Variants in LRP12 observed in about 807,000 individuals in gnomAD.
The protein encoded by LRP12 is low-density lipoprotein receptor-related protein 12.
A neutral mutation model predicts 66.0 loss-of-function variants in LRP12; 14 were observed. The ratio of observed to expected loss-of-function variants is 0.21; its 90% CI spans 0.14 to 0.33. LRP12 has a LOEUF of 0.33. Ranked by LOEUF, LRP12 falls within the 10% of genes least tolerant of loss-of-function variation. The pLI, the probability that LRP12 is intolerant of heterozygous loss-of-function variation, is 1.00. For missense variants in LRP12, 889 were observed against 1,053.4 expected, an observed-to-expected ratio of 0.84 and a Z score of 2.16; for synonymous variants, 357 against 359.1, an observed-to-expected ratio of 0.99 and a Z score of 0.07.
chr8:104,557,734 TACC>T (rs1445528341), intron 1 of LRP12, among the ~76,000 whole-genome samples: 1 of 151,998 alleles, frequency 6.6e-6, no homozygotes, highest in African/African-American at 2.4e-5. Context: ...CCCATCAAAA[TACC>T]ACCATCATTT....
rs1588479903 is a variant in LRP12 at position 104,491,443 on chromosome 8, T to C, written c.1810A>G (p.Asn604Asp). Residue 604 changes from asparagine to aspartate, a missense_variant, in exon 7 of 7, where the codon AAC becomes GAC. Asn to Asp is a conservative substitution (Grantham distance 23). This residue lies in a region of LRP12 where 800 missense variants were observed against 964.5 expected (regional missense o/e 0.83). Transcript: ENST00000276654. ...GATCTTGCAAAATTAAAAATACGGT[T>C]CCAAATGTTGCTTGATCTGCCTGCC... ...PMAGRSSNIW[N>D]RIFNFARSRH... The C allele has an allele frequency of 6.2e-7, 1 of 1,613,954 alleles. No homozygotes were observed. Among genetic ancestry groups the C allele is most frequent in the Non-Finnish European group, 8.5e-7 (1 of 1,180,004 alleles).
Position 104,491,202 on chromosome 8 carries a change from G to A in LRP12, c.2051C>T (p.Ala684Val), listed in dbSNP as rs935238349. 30 of 1,613,932 alleles carry A rather than the reference G, an allele frequency of 1.9e-5. No homozygotes were observed. Among genetic ancestry groups the A allele is most frequent in the Non-Finnish European group, 2.5e-5 (30 of 1,180,012 alleles). Residue 684 changes from alanine (A) to valine (V), a missense_variant, in exon 7 of 7, where the codon GCA becomes GTA. Ala to Val is a moderately conservative substitution (Grantham distance 64, BLOSUM62 0). Coordinates refer to ENST00000276654, the MANE Select transcript of LRP12 (RefSeq NM_013437.5). ...ACATGCTCCTACTGTCGCTTCTACT[G>A]CCGTTGTGGGAGGGACTTTTTGAGG... ...PLPQKVPPTT[A>V]VEATVGACAS...
At chr8:104,566,176 C>T in intron 1 of LRP12, 1 of 634,724 alleles carries the variant, frequency 1.6e-6, no homozygotes, top group Non-Finnish European at 2.4e-6. Flanking sequence ...CACAAAGATT[C>T]TTGATGTTCT....
At chr8:104,532,324 TC>T (rs1811336072) in intron 1 of LRP12, among the ~76,000 whole-genome samples, 1 of 147,430 alleles carries the variant, frequency 6.8e-6, no homozygotes, top group African/African-American at 2.5e-5. Context: ...CGTGTCCAAA[TC>T]AGCCACAAGT....
chr8:104,588,217 G>A (rs1812365290), intron 1 of LRP12, among the ~76,000 whole-genome samples: 1 of 152,154 alleles, frequency 6.6e-6, no homozygotes, highest in Non-Finnish European at 1.5e-5. Context: ...CTATTTTCTG[G>A]CCTTCTCCCG....
chr8:104,583,680 G>A (rs1400615698), intron 1 of LRP12, among the ~76,000 whole-genome samples: 1 of 152,086 alleles, frequency 6.6e-6, no homozygotes, highest in Admixed American at 6.5e-5. Flanking sequence ...AGACAGCCAG[G>A]GTTAGGCTAC....
chr8:104,559,619 CT>C (rs940896847), intron 1 of LRP12, among the ~76,000 whole-genome samples: 1 of 151,468 alleles, frequency 6.6e-6, no homozygotes, highest in East Asian at 1.9e-4. Flanking sequence ...GAAATAAAAA[CT>C]TTTTTAATTA....
intron 1 of LRP12, among the ~76,000 whole-genome samples, chr8:104,548,181 A>ACATTATATTAATATG (rs1368543528): frequency 9.9e-6 from 1 of 101,448 alleles, no homozygotes; most frequent in African/African-American, 4.4e-5. Context: ...AATATAATAT[A>ACATTATATTAATATG]TAATATATAT....
chr8:104,512,502 T>TG (rs1811013661), intron 2 of LRP12, among the ~76,000 whole-genome samples: 2 of 152,196 alleles, frequency 1.3e-5, no homozygotes, highest in African/African-American at 2.4e-5. Context: ...TTGAGTTAAA[T>TG]TACATTTAAC....
chr8:104,497,848 T>C lies in LRP12; in HGVS notation c.704A>G (p.Glu235Gly). ...RFTKVYTCLP[E>G]SLKCDGNIDC... Reference sequence around the variant, plus strand: ...AATGTTCCCATCACATTTTAAAGATTCGGGGAGGCAAGTGTAAACTTTGGT... The same window carrying C: ...AATGTTCCCATCACATTTTAAAGATCCGGGGAGGCAAGTGTAAACTTTGGT... The change falls in exon 5 of 7, where the codon GAA becomes GGA. Residue 235 changes from glutamate (E) to glycine (G), a missense_variant. This residue lies in a region of LRP12 where 800 missense variants were observed against 964.5 expected (regional missense o/e 0.83). Transcript: ENST00000276654. The surrounding 1 kb of genome is among the most constrained non-coding windows in gnomAD (Gnocchi z 4.3). 1.9e-6 allele frequency: 3 copies of C among 1,614,174 alleles called. No homozygotes were observed. Among genetic ancestry groups the C allele is most frequent in the Non-Finnish European group, 2.5e-6 (3 of 1,180,034 alleles).
intron 1 of LRP12, among the ~76,000 whole-genome samples, chr8:104,544,030 A>C (rs1169393203): frequency 1.3e-5 from 2 of 152,234 alleles, no homozygotes; most frequent in Non-Finnish European, 1.5e-5. Flanking sequence ...TGTGTATGCA[A>C]AAGAAAAAGT....
At chr8:104,569,965 C>T (rs1337344882) in intron 1 of LRP12, among the ~76,000 whole-genome samples, 2 of 151,972 alleles carry the variant, frequency 1.3e-5, no homozygotes, top group African/African-American at 4.8e-5. Context: ...GACACAGGGT[C>T]AACACAAAAA....
intron 1 of LRP12, among the ~76,000 whole-genome samples, chr8:104,582,592 G>C (rs912447303): frequency 1.3e-5 from 2 of 152,078 alleles, no homozygotes; most frequent in African/African-American, 4.8e-5. Flanking sequence ...TTAAAACATT[G>C]TAAAAAGTTA....
intron 1 of LRP12, among the ~76,000 whole-genome samples, chr8:104,548,348 T>TAG (rs1564142249): frequency 8.9e-5 from 4 of 45,190 alleles, no homozygotes; most frequent in Non-Finnish European, 1.3e-4. Context: ...AATATATAAA[T>TAG]ATATAATATA....
At chr8:104,542,971 C>T (rs1275923200) in intron 1 of LRP12, among the ~76,000 whole-genome samples, 2 of 145,960 alleles carry the variant, frequency 1.4e-5, no homozygotes, top group Non-Finnish European at 3.0e-5. Context: ...GACATATTTG[C>T]GTGTGTTTAT....
chr8:104,570,783 T>C (rs1177180700), intron 1 of LRP12, among the ~76,000 whole-genome samples: 1 of 152,060 alleles, frequency 6.6e-6, no homozygotes, highest in Non-Finnish European at 1.5e-5. Flanking sequence ...CTTCATCAAA[T>C]TTTAAAACTT....
chr8:104,548,315 AAATATATAATATATATT>A (rs1811652306), intron 1 of LRP12, among the ~76,000 whole-genome samples: 1 of 26,886 alleles, frequency 3.7e-5, no homozygotes, highest in African/African-American at 2.9e-4. Flanking sequence ...TATATTATAT[AAATATATAATATATATT>A]ATATAAATAT....
At chr8:104,531,831 G>C (rs369218813) in intron 2 of LRP12, 76 bp downstream of exon 2, 1 of 930,508 alleles carries the variant, frequency 1.1e-6, no homozygotes, top group Middle Eastern at 2.2e-4. Context: ...ATATCACTTC[G>C]TAAGATACCA....
chr8:104,579,218 C>A (rs1812210191), intron 1 of LRP12, among the ~76,000 whole-genome samples: 1 of 152,106 alleles, frequency 6.6e-6, no homozygotes, highest in South Asian at 2.1e-4. Flanking sequence ...AAGCTGGTAA[C>A]TACTTCAGCA....
Sources: gnomAD v4.1 joint callset for allele counts (sites outside exome capture counted in the v4.1 genomes callset) on GRCh38, gnomAD v4.1.1 for gene constraint, gnomAD v4.1.1 regional missense constraint, Gnocchi (gnomAD v3.1) non-coding constraint, MANE v1.5 for transcripts, NCBI Gene and HGNC (gene_info 2026-07-23, HGNC 2026-07-21) for gene names.